Variants in RSPO3 observed in about 807,000 individuals in gnomAD.
The protein encoded by RSPO3 is R-spondin-3.
In RSPO3, 17 loss-of-function variants were observed where a neutral mutation model predicts 36.5. That is an observed-to-expected ratio of 0.47 (90% CI 0.32 to 0.70). The LOEUF (loss-of-function observed/expected upper bound fraction) is 0.70. Among genes scored for constraint, RSPO3 ranks in the 30% least tolerant of loss-of-function variants. The pLI is 0.04. For missense variants in RSPO3, 294 were observed against 322.5 expected (o/e 0.91, Z 0.68); for synonymous variants, 108 against 107.0 (o/e 1.01, Z -0.06).
chr6:127,150,289 G>A, intron 2 of RSPO3, 137 bp from the exon 3 acceptor site: 2 of 723,752 alleles, frequency 2.8e-6, no homozygotes, highest in Non-Finnish European at 2.2e-6. Context: ...CGTGAATTCA[G>A]TCTGGCAAAA....
chr6:127,143,931 T>C (rs75969376), intron 1 of RSPO3, among the ~76,000 whole-genome samples: 1,765 of 152,330 alleles, frequency 0.012, 30 homozygotes, highest in African/African-American at 0.04. Context: ...ATTCTGGATA[T>C]TTTATCAAAG....
At chr6:127,131,375 T>C (rs1321361824) in intron 1 of RSPO3, among the ~76,000 whole-genome samples, 1 of 152,112 alleles carries the variant, frequency 6.6e-6, no homozygotes, top group African/African-American at 2.4e-5. Context: ...TTTAAACTGT[T>C]TGCCTCTGAA....
intron 4 of RSPO3, among the ~76,000 whole-genome samples, chr6:127,195,530 ACATG>A (rs2114283878): frequency 6.6e-6 from 1 of 152,334 alleles, no homozygotes; most frequent in East Asian, 1.9e-4. Flanking sequence ...TTTCCATGAA[ACATG>A]CATAAATAAC....
intron 4 of RSPO3, among the ~76,000 whole-genome samples, chr6:127,179,104 T>C (rs1170604420): frequency 6.6e-6 from 1 of 151,894 alleles, no homozygotes; most frequent in South Asian, 2.1e-4. Context: ...TAAGAATTCT[T>C]GTTCACAAAT....
At chr6:127,153,763 T>G (rs1208721061) in intron 3 of RSPO3, among the ~76,000 whole-genome samples, 2 of 152,104 alleles carry the variant, frequency 1.3e-5, no homozygotes, top group Non-Finnish European at 2.9e-5. Context: ...AAGTGACAGC[T>G]CACAAACATA....
intron 4 of RSPO3, among the ~76,000 whole-genome samples, chr6:127,165,964 A>C (rs1774813208): frequency 6.6e-6 from 1 of 152,004 alleles, no homozygotes; most frequent in South Asian, 2.1e-4. Flanking sequence ...ACTCTCCCTC[A>C]GTCCAGTCCT....
intron 1 of RSPO3, among the ~76,000 whole-genome samples, chr6:127,146,623 A>G (rs1386187054): frequency 6.6e-6 from 1 of 152,176 alleles, no homozygotes; most frequent in Non-Finnish European, 1.5e-5. Context: ...ACATAAAATT[A>G]GAATTTTGTG....
intron 1 of RSPO3, among the ~76,000 whole-genome samples, chr6:127,147,521 G>C (rs1251787540): frequency 1.3e-5 from 2 of 152,000 alleles, no homozygotes; most frequent in Non-Finnish European, 2.9e-5. Flanking sequence ...TATTTGAGTG[G>C]AGAACACATT....
At chr6:127,131,444 A>G (rs1459880091) in intron 1 of RSPO3, among the ~76,000 whole-genome samples, 1 of 152,010 alleles carries the variant, frequency 6.6e-6, no homozygotes, top group Non-Finnish European at 1.5e-5. Context: ...AATAGTTTTT[A>G]CCCAAACTAT....
chr6:127,150,291 C>G lies in RSPO3; in HGVS notation c.290-135C>G, dbSNP rs186122953. The G allele has an allele frequency of 1.8e-4, 133 of 736,346 alleles. No homozygotes were observed. The East Asian group carries it at 3.6e-3, about 20-fold the overall frequency. The allele number at this position is 736,346 out of a possible 1,614,324, so 45.6% of individuals were successfully genotyped here. A position where few individuals can be genotyped will look rare whatever the true frequency, so the allele number is the denominator to read the frequency against. On this transcript the variant is annotated intron_variant, in intron 2 of 4. Transcript: ENST00000356698. ...ACTGTGGAGGAATCGTGAATTCAGTCTGGCAAAATAATTTTGGACTTCAGG... is the reference window on the plus strand; with the variant it reads ...ACTGTGGAGGAATCGTGAATTCAGTGTGGCAAAATAATTTTGGACTTCAGG...
intron 4 of RSPO3, among the ~76,000 whole-genome samples, chr6:127,173,987 G>T (rs917522698): frequency 1.3e-5 from 2 of 151,832 alleles, no homozygotes; most frequent in Admixed American, 6.6e-5. Flanking sequence ...CGCACAGAGG[G>T]CGTTAAGCTA....
intron 1 of RSPO3, among the ~76,000 whole-genome samples, chr6:127,143,983 G>A (rs1582792864): frequency 6.6e-6 from 1 of 152,138 alleles, no homozygotes; most frequent in Admixed American, 6.5e-5. Flanking sequence ...CTTAGGAATG[G>A]TTGCATCAGT....
At chr6:127,122,198 T>C (rs575432632) in intron 1 of RSPO3, among the ~76,000 whole-genome samples, 73 of 152,370 alleles carry the variant, frequency 4.8e-4, no homozygotes, top group Non-Finnish European at 7.9e-4. Flanking sequence ...CTAGTGATCC[T>C]AGTTATTACA....
chr6:127,138,747 A>T (rs975332673), intron 1 of RSPO3, among the ~76,000 whole-genome samples: 4 of 152,202 alleles, frequency 2.6e-5, no homozygotes, highest in African/African-American at 7.2e-5. Context: ...CTGGAAATTC[A>T]TTTACACAGA....
intron 3 of RSPO3, 126 bp downstream of exon 3, chr6:127,150,698 C>G: frequency 1.2e-6 from 1 of 804,816 alleles, no homozygotes; most frequent in Non-Finnish European, 1.9e-6. Context: ...CTGTCTCCAT[C>G]CTTCTTTACA....
intron 1 of RSPO3, among the ~76,000 whole-genome samples, chr6:127,135,416 T>C (rs1208082910): frequency 1.0e-5 from 1 of 95,244 alleles, no homozygotes; most frequent in African/African-American, 3.9e-5. Flanking sequence ...TGAGAATCCA[T>C]AAAAAAAAAA....
At chr6:127,167,321 G>A (rs4559104) in intron 4 of RSPO3, among the ~76,000 whole-genome samples, 70,944 of 151,560 alleles carry the variant, frequency 0.47, 16,764 homozygotes, top group East Asian at 0.53. Context: ...GTTTTCCCTC[G>A]TGTGTCCATG....
At chr6:127,178,738 C>T (rs953352257) in intron 4 of RSPO3, among the ~76,000 whole-genome samples, 1 of 151,744 alleles carries the variant, frequency 6.6e-6, no homozygotes, top group Admixed American at 6.6e-5. Context: ...TGTCTTCTCA[C>T]ATCTAACTTT....
Position 127,119,272 on chromosome 6 carries a change from G to C in RSPO3, c.80G>C (p.Gly27Ala). The C allele has an allele frequency of 1.2e-6, 2 of 1,612,564 alleles. No homozygotes were observed. The highest frequency in any genetic ancestry group is 2.7e-5 in the African/African-American group (2 of 75,034). ...EYIGSQNASR[G>A]RRQRRMHPNV... The stretch of plus-strand genomic sequence containing the variant: ...ATCGGCAGCCAAAACGCCTCCCGGG[G>C]AAGGCGCCAGCGAAGAAGTAAGTGC... Residue 27 changes from glycine to alanine, a missense_variant, in exon 1 of 5, where the codon GGA becomes GCA. Transcript: ENST00000356698.
Sources: gnomAD v4.1 joint callset for allele counts (sites outside exome capture counted in the v4.1 genomes callset) on GRCh38, gnomAD v4.1.1 for gene constraint, MANE v1.5 for transcripts, NCBI Gene and HGNC (gene_info 2026-07-23, HGNC 2026-07-21) for gene names.